C1orf94: variants seen among roughly 807,000 people sequenced by gnomAD.
C1orf94 encodes chromosome 1 open reading frame 94.
Under a neutral mutation model 53.6 loss-of-function variants are expected in C1orf94, and 45 were observed. The observed-to-expected ratio is 0.84, with a 90% CI of 0.66 to 1.08. The LOEUF (loss-of-function observed/expected upper bound fraction) is 1.08. C1orf94 is among the 50% of genes least tolerant of loss of function. The pLI is 0.00. For synonymous variants in C1orf94, 304 were observed against 296.1 expected, an observed-to-expected ratio of 1.03 and a Z score of -0.27; for missense variants, 762 against 738.9, an observed-to-expected ratio of 1.03 and a Z score of -0.36.
At chr1:34,217,975 A>G (rs1275092566) in intron 6 of C1orf94, among the ~76,000 whole-genome samples, 1 of 152,214 alleles carries the variant, frequency 6.6e-6, no homozygotes, top group Admixed American at 6.5e-5. Context: ...AAATGATTCC[A>G]TCTGGAGAGG....
Position 34,177,915 on chromosome 1 carries a change from C to T in C1orf94, c.126C>T (p.Cys42=), listed in dbSNP as rs921025180. 98 of 1,551,552 alleles carry T rather than the reference C, an allele frequency of 6.3e-5. No homozygotes were observed. Among genetic ancestry groups the T allele is most frequent in the Non-Finnish European group, 7.8e-5 (90 of 1,146,984 alleles). ...CGGCCCTGGTGGCCAAGGGCCCCTG[C>T]GCCCTGGGCCCATTCCCCAGATACA... ...SSSALVAKGP[C]ALGPFPRYIW... Residue 42 remains cysteine (C), a synonymous_variant, in exon 1 of 7, where the codon TGC becomes TGT. Transcript: ENST00000488417.
In C1orf94 at chr1:34,177,761, A is replaced by C. The variant is rs766868298; in HGVS notation, c.-29A>C. 109 of 1,501,534 alleles carry C rather than the reference A, an allele frequency of 7.3e-5. No homozygotes were observed. The highest frequency in any genetic ancestry group is 9.4e-5 in the Non-Finnish European group (105 of 1,118,728). The allele number at this position is 1,501,534 out of a possible 1,614,324, so 93.0% of individuals were successfully genotyped here. ...AGACAGAACTGACCCACTTCTGCCAAGCCCCATCCTCATCTCCCTTTCTGG... is the reference window on the plus strand; with the variant it reads ...AGACAGAACTGACCCACTTCTGCCACGCCCCATCCTCATCTCCCTTTCTGG... On this transcript the variant is annotated 5_prime_UTR_variant, in exon 1 of 7. Transcript: ENST00000488417.
At chr1:34,213,914 T>C (rs774940295) in intron 6 of C1orf94, among the ~76,000 whole-genome samples, 3 of 152,006 alleles carry the variant, frequency 2.0e-5, no homozygotes, top group Non-Finnish European at 4.4e-5. Context: ...TCTTTTCCTC[T>C]CTCCCTCCCT....
chr1:34,201,104 T>C, intron 3 of C1orf94, 72 bp downstream of exon 3: 2 of 1,520,470 alleles, frequency 1.3e-6, no homozygotes, highest in Non-Finnish European at 1.8e-6. Context: ...TCAGGGTGGC[T>C]CTGTCACCAA....
At position 34,197,772 on chromosome 1, in the gene C1orf94, C is replaced by T. The variant is rs1642625088; in HGVS notation, c.868C>T (p.Leu290=). Residue 290 remains leucine, a synonymous_variant, in exon 2 of 7, where the codon CTG becomes TTG. Transcript: ENST00000488417. This position sits in a 1 kb window ranked among gnomAD's most constrained non-coding sequence, Gnocchi z 4.1. The stretch of plus-strand genomic sequence containing the variant: ...GGAGCCCACAGGGCTGAGCCCATTT[C>T]TGCTGCTGCCTCCCCGACCTCCTCC... The part of the protein sequence containing the change: ...PKEPTGLSPF[L]LLPPRPPPAR... 6.2e-7 allele frequency: 1 copy of T among 1,614,108 alleles called. No homozygotes were observed.
intron 5 of C1orf94, among the ~76,000 whole-genome samples, chr1:34,209,322 G>A (rs892290047): frequency 1.8e-4 from 21 of 116,582 alleles, no homozygotes; most frequent in Non-Finnish European, 2.4e-4. Context: ...ACACACACAT[G>A]CAGACAGAAA....
intron 2 of C1orf94, among the ~76,000 whole-genome samples, chr1:34,198,666 T>C (rs1281787644): frequency 6.6e-6 from 1 of 152,244 alleles, no homozygotes; most frequent in African/African-American, 2.4e-5. Context: ...CAATTTCCTC[T>C]GGGCTATGAG....
chr1:34,207,864 A>G (rs569890069), intron 4 of C1orf94, among the ~76,000 whole-genome samples: 2 of 152,200 alleles, frequency 1.3e-5, no homozygotes, highest in Non-Finnish European at 2.9e-5. Context: ...GATTTGCCCA[A>G]GGTCACACAG....
At chr1:34,172,137 C>G (rs1208758967), upstream of C1orf94, among the ~76,000 whole-genome samples, 1 of 152,188 alleles carries the variant, frequency 6.6e-6, no homozygotes, top group Non-Finnish European at 1.5e-5. Flanking sequence ...AAGGGCCTCG[C>G]CAGGAATCCT....
chr1:34,191,746 G>A (rs1446737023), intron 1 of C1orf94, among the ~76,000 whole-genome samples: 1 of 152,008 alleles, frequency 6.6e-6, no homozygotes, highest in Non-Finnish European at 1.5e-5. Context: ...TCTGTTGTTT[G>A]GCTCAGATGA....
intron 5 of C1orf94, among the ~76,000 whole-genome samples, chr1:34,209,085 C>T (rs1045002192): frequency 2.6e-5 from 4 of 152,092 alleles, no homozygotes; most frequent in Admixed American, 6.5e-5. Flanking sequence ...GAAATTTGAA[C>T]GTAACTGGGT....
chr1:34,193,559 A>C (rs556295276), intron 1 of C1orf94, among the ~76,000 whole-genome samples: 1 of 152,314 alleles, frequency 6.6e-6, no homozygotes, highest in African/African-American at 2.4e-5. Context: ...AAGGAAGCCC[A>C]GGCTGGGGGT....
chr1:34,177,078 C>T lies in C1orf94; in HGVS notation c.-712C>T, dbSNP rs900102014. Among the ~76,000 whole-genome samples the T allele has an allele frequency of 6.6e-6, 1 of 152,218 alleles. No individual in the cohort carries two copies. Among genetic ancestry groups the T allele is most frequent in the Admixed American group, 6.5e-5 (1 of 15,294 alleles). On this transcript the variant is annotated 5_prime_UTR_variant, in exon 1 of 7. Coordinates refer to ENST00000488417, the MANE Select transcript of C1orf94 (RefSeq NM_001134734.2). ...GCCCTTCCCGGTGCCCGCCTGGCAG[C>T]GCGGCGCGGCTGGGGCAGGGGTCTG... is the stretch of plus-strand genomic sequence containing the variant.
At chr1:34,191,358 G>A (rs1642476449) in intron 1 of C1orf94, among the ~76,000 whole-genome samples, 1 of 152,128 alleles carries the variant, frequency 6.6e-6, no homozygotes, top group Non-Finnish European at 1.5e-5. Flanking sequence ...TTTGTGAAAA[G>A]GACCTAAGGC....
intron 1 of C1orf94, among the ~76,000 whole-genome samples, chr1:34,181,242 C>T (rs1319225871): frequency 6.6e-6 from 1 of 152,200 alleles, no homozygotes; most frequent in African/African-American, 2.4e-5. Flanking sequence ...TATAAGCTAA[C>T]CACCTCTGGT....
intron 1 of C1orf94, among the ~76,000 whole-genome samples, chr1:34,188,894 C>T (rs1379571487): frequency 6.6e-6 from 1 of 152,192 alleles, no homozygotes; most frequent in Non-Finnish European, 1.5e-5. Context: ...TGCAATTTCT[C>T]TCAATTGTCC....
rs1184185608 is a variant in C1orf94, at chr1:34,197,991, A to G, written c.1009+78A>G. 4 of 1,384,328 alleles carry G rather than the reference A, an allele frequency of 2.9e-6. No homozygotes were observed. The highest frequency in any genetic ancestry group is 2.9e-6 in the Non-Finnish European group (3 of 1,020,392). The allele number at this position is 1,384,328 out of a possible 1,614,324, so 85.8% of individuals were successfully genotyped here. ...CCAGGAAGCCAATCAGGGCTGCAGC[A>G]TGTACATAAAGCATCTTCATGCAAA... On this transcript the variant is annotated intron_variant, in intron 2 of 6. Coordinates refer to ENST00000488417, the MANE Select transcript of C1orf94 (RefSeq NM_001134734.2). The surrounding 1 kb of genome is among the most constrained non-coding windows in gnomAD (Gnocchi z 4.1).
At chr1:34,202,748 A>G (rs1642732906) in intron 4 of C1orf94, among the ~76,000 whole-genome samples, 2 of 152,220 alleles carry the variant, frequency 1.3e-5, no homozygotes, top group Admixed American at 1.3e-4. Context: ...CCAGAATAAT[A>G]TGAATGGCAT....
At chr1:34,190,779 T>C (rs1049018692) in intron 1 of C1orf94, among the ~76,000 whole-genome samples, 6 of 152,236 alleles carry the variant, frequency 3.9e-5, no homozygotes, top group African/African-American at 9.6e-5. Context: ...CTCTGTCCCT[T>C]GGCTTCTTCA....
Sources: gnomAD v4.1 joint callset for allele counts (sites outside exome capture counted in the v4.1 genomes callset) on GRCh38, gnomAD v4.1.1 for gene constraint, Gnocchi (gnomAD v3.1) non-coding constraint, MANE v1.5 for transcripts, NCBI Gene and HGNC (gene_info 2026-07-23, HGNC 2026-07-21) for gene names.